CROCC2: variants seen among roughly 807,000 people sequenced by gnomAD.
The protein encoded by CROCC2 is ciliary rootlet coiled-coil, rootletin family member 2.
CROCC2 carries 163 observed loss-of-function variants against 177.6 expected under a neutral mutation model. The ratio of observed to expected loss-of-function variants is 0.92; its 90% CI spans 0.81 to 1.05. The LOEUF is 1.05. CROCC2 is among the 50% of genes least tolerant of loss of function. CROCC2 has a pLI of 0.00. For synonymous variants in CROCC2, 904 were observed against 787.3 expected (o/e 1.15, Z -2.48); for missense variants, 1,929 against 1,797.8 (o/e 1.07, Z -1.32).
In CROCC2 at chr2:240,931,188, A is replaced by G. The variant is rs558619283; in HGVS notation, c.947+60A>G. 45 of 653,238 alleles carry G rather than the reference A, an allele frequency of 6.9e-5. No homozygotes were observed. In the Middle Eastern group the frequency reaches 2.0e-3, roughly 29 times the overall value. 40.5% of individuals were successfully genotyped at this position (653,238 alleles called of 1,614,324 possible). On this transcript the variant is annotated intron_variant, in intron 7 of 31. Transcript: ENST00000690015. The stretch of plus-strand genomic sequence containing the variant: ...GGGCCCGGGGGGTCGGGGCCCATCC[A>G]GCGTGCCGAGCAGCTGTGGATCCCA...
In CROCC2 at chr2:240,946,108, C is replaced by T; in HGVS notation, c.2218C>T (p.Gln740Ter). 1 of 1,537,474 alleles carries T rather than the reference C, an allele frequency of 6.5e-7. No homozygotes were observed. Among genetic ancestry groups the T allele is most frequent in the Non-Finnish European group, 8.8e-7 (1 of 1,136,490 alleles). Residue 740 changes from glutamine (Q) to a stop codon, truncating the protein, a stop_gained, in exon 15 of 32, where the codon CAG becomes TAG. Transcript: ENST00000690015. LOFTEE classifies it high-confidence loss of function. ...GGAGGAGCAGCTGGCTCAGAGCCTG[C>T]AGGACCAGGAGGCCCAGATGGGCAC... The part of the protein sequence containing the change: ...ALEEQLAQSL[Q>*]DQEAQMGTLQ...
chr2:240,955,844 C>G lies in CROCC2; in HGVS notation c.2830-15C>G. ...ACTCCCCAACTTTCTCACAAGCATA[C>G]CCCGTCCTGTTCAGGCCCTGTCCCT... On this transcript the variant is annotated splice_polypyrimidine_tract_variant and intron_variant, in intron 18 of 31. Transcript: ENST00000690015. 6.6e-7 allele frequency: 1 copy of G among 1,525,836 alleles called. No homozygotes were observed. Among genetic ancestry groups the G allele is most frequent in the South Asian group, 1.2e-5 (1 of 83,808 alleles). The allele number at this position is 1,525,836 out of a possible 1,614,324, so 94.5% of individuals were successfully genotyped here. A position where few individuals can be genotyped will look rare whatever the true frequency, so the allele number is the denominator to read the frequency against.
chr2:240,972,729 A>G lies in CROCC2; in HGVS notation c.4401+4467A>G, dbSNP rs1419571803. On this transcript the variant is annotated intron_variant, in intron 27 of 31. Transcript: ENST00000690015. The surrounding 1 kb of genome is among the most constrained non-coding windows in gnomAD (Gnocchi z 7.1). ...ACGTTTTCTTACAATTCTGGCAATT[A>G]TTATTTCACCCATTTTTAGGCCAAG... 1.3e-5 allele frequency among the ~76,000 whole-genome samples: 2 copies of G among 151,918 alleles called. No homozygotes were observed. Among genetic ancestry groups the G allele is most frequent in the Non-Finnish European group, 2.9e-5 (2 of 67,996 alleles).
intron 25 of CROCC2, among the ~76,000 whole-genome samples, chr2:240,966,618 T>A (rs1218273471): frequency 6.6e-6 from 1 of 151,982 alleles, no homozygotes; most frequent in Non-Finnish European, 1.5e-5. Flanking sequence ...TATACCAGGC[T>A]GAAAAGCCCC....
Position 240,953,937 on chromosome 2 carries a change from T to C in CROCC2, c.2830-1922T>C, listed in dbSNP as rs780152573. Among the ~76,000 whole-genome samples, 10 of 152,232 alleles carry C rather than the reference T, an allele frequency of 6.6e-5. No homozygotes were observed. The highest frequency in any genetic ancestry group is 1.3e-4 in the Non-Finnish European group (9 of 68,020). On this transcript the variant is annotated intron_variant, in intron 18 of 31. Transcript: ENST00000690015. This position sits in a 1 kb window ranked among gnomAD's most constrained non-coding sequence, Gnocchi z 4.0. ...ACACGCTTCTATATTTGATGAAGTT[T>C]TGCCTAAAATTCTAATAAATACTCC...
intron 8 of CROCC2, 68 bp from the exon 9 acceptor site, chr2:240,932,634 C>T (rs545195649): frequency 6.7e-5 from 48 of 716,532 alleles, no homozygotes; most frequent in South Asian, 3.9e-4. Context: ...GGACTGTCTG[C>T]GCGGTCCCCA....
Position 240,906,353 on chromosome 2 carries a change from G to T in CROCC2, c.-161G>T. ...AGCTGGCCATACTGTCTTACCCACA[G>T]GGCAAGAGCAACTGGGTGCCCAGGC... is the stretch of plus-strand genomic sequence containing the variant. On this transcript the variant is annotated 5_prime_UTR_variant, in exon 1 of 32. It adds an upstream start codon to the 5' untranslated region. Transcript: ENST00000690015. 1 of 397,000 alleles carries T rather than the reference G, an allele frequency of 2.5e-6. No homozygotes were observed. Among genetic ancestry groups the T allele is most frequent in the Non-Finnish European group, 4.4e-6 (1 of 225,402 alleles). 24.6% of individuals were successfully genotyped at this position (397,000 alleles called of 1,614,324 possible).
chr2:240,927,889 G>T (rs2059403984), intron 5 of CROCC2, among the ~76,000 whole-genome samples: 1 of 152,238 alleles, frequency 6.6e-6, no homozygotes, highest in Admixed American at 6.5e-5. Flanking sequence ...GACCTCAGGT[G>T]ATCCGCCTGC....
At chr2:240,909,834 A>C (rs1239306570) in intron 1 of CROCC2, among the ~76,000 whole-genome samples, 1 of 152,128 alleles carries the variant, frequency 6.6e-6, no homozygotes, top group Non-Finnish European at 1.5e-5. Flanking sequence ...CCAGACGCCC[A>C]GATCAGCTGT....
intron 27 of CROCC2, among the ~76,000 whole-genome samples, chr2:240,971,630 T>G (rs923442257): frequency 2.6e-5 from 4 of 152,180 alleles, no homozygotes; most frequent in South Asian, 2.1e-4. Flanking sequence ...CCTTTCATTA[T>G]TTTTACCTAC....
Position 240,949,691 on chromosome 2 carries a change from C to T in CROCC2, c.2641C>T (p.Gln881Ter). The T allele has an allele frequency of 1.3e-6, 2 of 1,543,414 alleles. No individual in the cohort carries two copies. The highest frequency in any genetic ancestry group is 1.8e-6 in the Non-Finnish European group (2 of 1,142,758). Residue 881 changes from glutamine (Q) to a stop codon, truncating the protein, a stop_gained, in exon 17 of 32, where the codon CAA (glutamine) becomes TAA (stop). Transcript: ENST00000690015. LOFTEE classifies it high-confidence loss of function. This position sits in a 1 kb window ranked among gnomAD's most constrained non-coding sequence, Gnocchi z 4.5. ...CCACCGAGAGGCCCTGGCACAGCTC[C>T]AAAGGGAGAAGGTCTGCTTCCCAGG... ...LAHREALAQLQREKETLSLTL... is the reference protein window; with the variant it reads ...LAHREALAQL
At position 240,932,919 on chromosome 2, in the gene CROCC2, G is replaced by A. The variant is rs1276372185; in HGVS notation, c.1251+11G>A. 7 of 1,543,448 alleles carry A rather than the reference G, an allele frequency of 4.5e-6. No homozygotes were observed. The highest frequency in any genetic ancestry group is 2.4e-5 in the South Asian group (2 of 83,784). On this transcript the variant is annotated intron_variant, in intron 9 of 31. Coordinates refer to ENST00000690015, the MANE Select transcript of CROCC2 (RefSeq NM_001351305.2). Reference sequence around the variant, plus strand: ...TGGCGGCGGGAACAGGTGGGCAGCCGCAGCCCACAGGACTCCCTGTCTCCC... The same window carrying A: ...TGGCGGCGGGAACAGGTGGGCAGCCACAGCCCACAGGACTCCCTGTCTCCC...
chr2:240,916,421 G>T (rs1473036214), intron 1 of CROCC2, among the ~76,000 whole-genome samples: 1 of 35,170 alleles, frequency 2.8e-5, no homozygotes, highest in African/African-American at 1.2e-4. Flanking sequence ...GGTGCCCCCC[G>T]CCCACCTGCA....
intron 28 of CROCC2, chr2:240,986,033 G>C (rs928035423): frequency 4.4e-6 from 2 of 449,760 alleles, no homozygotes; most frequent in African/African-American, 2.0e-5. Flanking sequence ...CCTCCCTGAT[G>C]GGGACATGGT....
intron 20 of CROCC2, chr2:240,959,713 C>A: frequency 2.8e-6 from 1 of 357,202 alleles, no homozygotes; most frequent in Non-Finnish European, 5.0e-6. Flanking sequence ...AAGCTGACAC[C>A]AGTTTTCAGG....
At chr2:240,977,878 TCAGGAGCCCAGG>T (rs2059775486) in intron 27 of CROCC2, among the ~76,000 whole-genome samples, 1 of 19,032 alleles carries the variant, frequency 5.3e-5, no homozygotes, top group East Asian at 1.5e-3. Context: ...GGTAGGAGCC[TCAGGAGCCCAGG>T]CTCATCCCTG....
intron 4 of CROCC2, 42 bp downstream of exon 4, chr2:240,922,687 G>A: frequency 3.7e-6 from 2 of 536,598 alleles, no homozygotes; most frequent in Admixed American, 3.3e-5. Context: ...AGGAAGCACA[G>A]CCATCCCCCC....
At position 240,935,368 on chromosome 2, in the gene CROCC2, AGCGGGACCAGCT is replaced by A. The variant is rs2106462976; in HGVS notation, c.1956_1967del (p.Asp652_Arg655del). 5.9e-6 allele frequency: 8 copies of A among 1,358,026 alleles called. No homozygotes were observed. The highest frequency in any genetic ancestry group is 7.6e-6 in the Non-Finnish European group (8 of 1,048,828). The allele number at this position is 1,358,026 out of a possible 1,614,324, so 84.1% of individuals were successfully genotyped here. On this transcript the variant is annotated inframe_deletion, in exon 14 of 32. Coordinates refer to ENST00000690015, the MANE Select transcript of CROCC2 (RefSeq NM_001351305.2). ...GACACCTGGTGGCAGCTGGAGCAGG[AGCGGGACCAGCT>A]GCGGGAACAGCGGAAGACTCTGGAG...
In CROCC2 at chr2:240,959,413, T is replaced by C; in HGVS notation, c.3056T>C (p.Leu1019Pro). Residue 1019 changes from leucine to proline, a missense_variant, in exon 20 of 32, where the codon CTA (leucine) becomes CCA (proline). By Grantham distance (98) the Leu-to-Pro change is moderately conservative (BLOSUM62 -3). Coordinates refer to ENST00000690015, the MANE Select transcript of CROCC2 (RefSeq NM_001351305.2). ...TTALRESLQD[L>P]AAERGDVERE... The stretch of plus-strand genomic sequence containing the variant: ...GCCCTACGCGAGAGCCTCCAGGACC[T>C]AGCGGCTGAGCGGGGCGATGTGGAG... The C allele has an allele frequency of 5.8e-6, 9 of 1,550,298 alleles. No individual in the cohort carries two copies. The highest frequency in any genetic ancestry group is 7.8e-6 in the Non-Finnish European group (9 of 1,146,858).
Sources: gnomAD v4.1 joint callset for allele counts (sites outside exome capture counted in the v4.1 genomes callset) on GRCh38, gnomAD v4.1.1 for gene constraint, Gnocchi (gnomAD v3.1) non-coding constraint, MANE v1.5 for transcripts, NCBI Gene and HGNC (gene_info 2026-07-23, HGNC 2026-07-21) for gene names.